CCNY: variants seen among roughly 807,000 people sequenced by gnomAD.
The protein encoded by CCNY is cyclin Y.
Under a neutral mutation model 42.8 loss-of-function variants are expected in CCNY, and 19 were observed. The observed-to-expected ratio is 0.44, with a 90% CI of 0.31 to 0.65. CCNY has a LOEUF of 0.65. Among genes scored for constraint, CCNY ranks in the 30% least tolerant of loss-of-function variants. CCNY has a pLI of 0.07. For missense variants in CCNY, 370 were observed against 437.3 expected, an observed-to-expected ratio of 0.85 and a Z score of 1.37; for synonymous variants, 165 against 162.7, an observed-to-expected ratio of 1.01 and a Z score of -0.11.
At chr10:35,279,138 C>G (rs1213802578) in intron 3 of CCNY, among the ~76,000 whole-genome samples, 1 of 117,140 alleles carries the variant, frequency 8.5e-6, no homozygotes, top group Non-Finnish European at 1.7e-5. Context: ...TTTTTTGAGA[C>G]AGGGTCTCAC....
At chr10:35,456,070 A>T (rs541659466) in intron 1 of CCNY, among the ~76,000 whole-genome samples, 3 of 152,092 alleles carry the variant, frequency 2.0e-5, no homozygotes, top group African/African-American at 7.2e-5. Flanking sequence ...TTTTCTGCTC[A>T]TGTTTTTCCC....
At chr10:35,313,585 G>A (rs983184322) in intron 3 of CCNY, among the ~76,000 whole-genome samples, 1 of 151,506 alleles carries the variant, frequency 6.6e-6, no homozygotes, top group African/African-American at 2.4e-5. Context: ...GCTCCACCCA[G>A]TGTGCCCAAG....
chr10:35,504,753 C>T (rs1044369630), intron 3 of CCNY, among the ~76,000 whole-genome samples: 2 of 152,126 alleles, frequency 1.3e-5, no homozygotes, highest in Admixed American at 1.3e-4. Flanking sequence ...TCACCTGCCT[C>T]AGCCTCCCAA....
chr10:35,350,002 G>T (rs984411084), intron 1 of CCNY, among the ~76,000 whole-genome samples: 1 of 152,200 alleles, frequency 6.6e-6, no homozygotes, highest in South Asian at 2.1e-4. Context: ...CAGCTCCAGG[G>T]CTGCCATTAG....
At chr10:35,279,902 C>T (rs569493885) in intron 3 of CCNY, among the ~76,000 whole-genome samples, 1 of 152,292 alleles carries the variant, frequency 6.6e-6, no homozygotes, top group Admixed American at 6.5e-5. Flanking sequence ...TGGCTCCATC[C>T]CCCAGCTGCT....
intron 1 of CCNY, among the ~76,000 whole-genome samples, chr10:35,429,198 T>C (rs1012733792): frequency 6.6e-6 from 1 of 152,210 alleles, no homozygotes; most frequent in Admixed American, 6.5e-5. Context: ...TGAAACAGAT[T>C]GAACGCTGAA....
chr10:35,408,659 C>A (rs1769775528), intron 1 of CCNY, among the ~76,000 whole-genome samples: 2 of 152,110 alleles, frequency 1.3e-5, no homozygotes, highest in Admixed American at 1.3e-4. Flanking sequence ...CTTTTCACTT[C>A]TTTTGTGGAT....
At chr10:35,449,326 CG>C (rs1210894189) in intron 1 of CCNY, among the ~76,000 whole-genome samples, 1 of 151,192 alleles carries the variant, frequency 6.6e-6, no homozygotes, top group African/African-American at 2.4e-5. Flanking sequence ...CGGCAGTCAG[CG>C]AGGGAGACAT....
chr10:35,334,779 C>G (rs1835990742), upstream of CCNY, among the ~76,000 whole-genome samples: 1 of 152,154 alleles, frequency 6.6e-6, no homozygotes, highest in Non-Finnish European at 1.5e-5. Flanking sequence ...GGAGGGAAAG[C>G]ACAGGTTAAA....
intron 3 of CCNY, among the ~76,000 whole-genome samples, chr10:35,285,608 C>T (rs879764628): frequency 1.5e-4 from 23 of 151,908 alleles, no homozygotes; most frequent in Non-Finnish European, 2.9e-4. Context: ...ATTTCTTTAT[C>T]ATAATTATTA....
At chr10:35,282,523 C>T (rs1224605231) in intron 3 of CCNY, among the ~76,000 whole-genome samples, 2 of 151,608 alleles carry the variant, frequency 1.3e-5, no homozygotes, top group African/African-American at 2.4e-5. Context: ...GTCAGGAATT[C>T]GAGACCAGCC....
intron 2 of CCNY, among the ~76,000 whole-genome samples, chr10:35,486,630 G>C (rs1331279439): frequency 6.6e-6 from 1 of 152,116 alleles, no homozygotes; most frequent in African/African-American, 2.4e-5. Flanking sequence ...CTTTCTCAAG[G>C]GCTCCCCAGT....
chr10:35,283,279 G>T (rs1210358759), intron 3 of CCNY, among the ~76,000 whole-genome samples: 1 of 152,170 alleles, frequency 6.6e-6, no homozygotes, highest in African/African-American at 2.4e-5. Flanking sequence ...TATAGAAGAT[G>T]AGATATGTGG....
At chr10:35,489,095 G>T (rs559696094) in intron 2 of CCNY, among the ~76,000 whole-genome samples, 2 of 152,234 alleles carry the variant, frequency 1.3e-5, no homozygotes, top group African/African-American at 4.8e-5. Context: ...CTGGCTAACA[G>T]TGAAACCCTG....
At chr10:35,494,841 A>G (rs1839975813) in intron 2 of CCNY, among the ~76,000 whole-genome samples, 1 of 152,238 alleles carries the variant, frequency 6.6e-6, no homozygotes, top group African/African-American at 2.4e-5. Context: ...CTTTGTATAT[A>G]TGCGCACAAA....
chr10:35,456,367 T>A (rs1380838129), intron 1 of CCNY, among the ~76,000 whole-genome samples: 1 of 152,252 alleles, frequency 6.6e-6, no homozygotes, highest in African/African-American at 2.4e-5. Context: ...ATTGCCTTAT[T>A]ATTGATTCAG....
At chr10:35,433,631 G>T (rs971725906) in intron 1 of CCNY, among the ~76,000 whole-genome samples, 1 of 152,162 alleles carries the variant, frequency 6.6e-6, no homozygotes, top group Non-Finnish European at 1.5e-5. Context: ...GGTTTTTTGA[G>T]ATGAAGTTTC....
chr10:35,444,722 GT>G (rs1367502321), intron 1 of CCNY, among the ~76,000 whole-genome samples: 1 of 152,244 alleles, frequency 6.6e-6, no homozygotes, highest in African/African-American at 2.4e-5. Flanking sequence ...ACGTTACGCA[GT>G]GCATGACTGA....
intron 2 of CCNY, among the ~76,000 whole-genome samples, chr10:35,492,936 G>T (rs917299776): frequency 4.6e-5 from 7 of 152,166 alleles, no homozygotes; most frequent in Admixed American, 4.6e-4. Flanking sequence ...CAGCATGACC[G>T]TGCCACCCTC....
Sources: allele counts gnomAD v4.1 joint callset (sites outside exome capture counted in the v4.1 genomes callset), GRCh38; gene constraint gnomAD v4.1.1; transcripts MANE v1.5; gene names NCBI Gene and HGNC (gene_info 2026-07-23, HGNC 2026-07-21).